CLCN6: variants seen among roughly 807,000 people sequenced by gnomAD.
CLCN6 encodes the protein Cl-/H+ antiporter 6, also known as H(+)/Cl(-) exchange transporter 6.
Under a neutral mutation model 109.8 loss-of-function variants are expected in CLCN6, and 70 were observed. The ratio of observed to expected loss-of-function variants is 0.64; its 90% CI spans 0.53 to 0.78. The LOEUF (loss-of-function observed/expected upper bound fraction) is 0.78, where lower values mean the gene tolerates loss of function less well. Ranked by LOEUF, CLCN6 falls within the 30% of genes least tolerant of loss-of-function variation. The pLI, the probability that CLCN6 is intolerant of heterozygous loss-of-function variation, is 0.00. For synonymous variants in CLCN6, 444 were observed against 447.8 expected (o/e 0.99, Z 0.11); for missense variants, 984 against 1,142.3 (o/e 0.86, Z 2.00).
chr1:11,836,053 C>G lies in CLCN6; in HGVS notation c.1880C>G (p.Thr627Ser). ...RIQSLVSILR[T>S]TVHHAFPVVT... ...CAGTCTCTGGTGAGCATCCTGCGCA[C>G]CACGGTCCACCATGCCTTCCCGGTG... The change falls in exon 18 of 23, where the codon ACC (threonine) becomes AGC (serine). Residue 627 changes from threonine to serine, a missense_variant. Coordinates refer to ENST00000346436, the MANE Select transcript of CLCN6 (RefSeq NM_001286.5). The G allele has an allele frequency of 6.2e-7, 1 of 1,613,956 alleles. No individual in the cohort carries two copies. The highest frequency in any genetic ancestry group is 1.1e-5 in the South Asian group (1 of 91,042).
chr1:11,815,012 G>A (rs1023135058), intron 2 of CLCN6, among the ~76,000 whole-genome samples: 22 of 144,902 alleles, frequency 1.5e-4, no homozygotes, highest in Non-Finnish European at 2.8e-4. Context: ...CAGCCTGGGC[G>A]ACAGAGCGAG....
rs1359328796 is a variant in CLCN6 at position 11,830,737 on chromosome 1, T to TATAATATATATATATATATATATATA, written c.1248+1415_1248+1416insATAATATATATATATATATATATATA. On this transcript the variant is annotated intron_variant, in intron 13 of 22. Transcript: ENST00000346436. ...CAGTGTCCCCAGTTATATGTATATA[T>TATAATATATATATATATATATATATA]TATATATATATATATATATATATAT... is the stretch of plus-strand genomic sequence containing the variant. 8.8e-5 allele frequency among the ~76,000 whole-genome samples: 8 copies of TATAATATATATATATATATATATATA among 91,120 alleles called. 1 individual carries two copies. Among genetic ancestry groups the TATAATATATATATATATATATATATA allele is most frequent in the African/African-American group, 2.8e-4 (7 of 25,106 alleles). 59.8% of individuals were successfully genotyped at this position (91,120 alleles called of 152,430 possible).
chr1:11,815,997 C>T (rs781523172), intron 3 of CLCN6, 86 bp downstream of exon 3: 1 of 976,348 alleles, frequency 1.0e-6, no homozygotes, highest in Admixed American at 1.8e-5. Context: ...CAGTAAACAT[C>T]TTTACACCTT....
intron 7 of CLCN6, among the ~76,000 whole-genome samples, chr1:11,824,241 G>A (rs61024734): frequency 0.027 from 4,053 of 152,280 alleles, 166 homozygotes; most frequent in African/African-American, 0.091. Flanking sequence ...GTAAAACCAG[G>A]AGGGAGCTGG....
chr1:11,823,114 T>C (rs1254192343), intron 6 of CLCN6, among the ~76,000 whole-genome samples: 1 of 152,172 alleles, frequency 6.6e-6, no homozygotes, highest in Non-Finnish European at 1.5e-5. Flanking sequence ...AACCTCAGCA[T>C]CATGCAATAT....
chr1:11,837,052 G>T lies in CLCN6; in HGVS notation c.2034G>T (p.Met678Ile). ...AGEQRKRSQS[M>I]KSYPSSELRN... The stretch of plus-strand genomic sequence containing the variant: ...AGCAGCGCAAACGGAGCCAGTCCAT[G>T]AAGTCCTACCCATCCAGCGAGCTAC... Residue 678 changes from methionine (M) to isoleucine (I), a missense_variant, in exon 19 of 23, where the codon ATG becomes ATT. Coordinates refer to ENST00000346436, the MANE Select transcript of CLCN6 (RefSeq NM_001286.5). 4 of 1,613,182 alleles carry T rather than the reference G, an allele frequency of 2.5e-6. No homozygotes were observed. Among genetic ancestry groups the T allele is most frequent in the Non-Finnish European group, 3.4e-6 (4 of 1,180,038 alleles).
At chr1:11,838,733 G>A (rs1644982792) in intron 22 of CLCN6, 73 bp downstream of exon 22, 1 of 1,606,908 alleles carries the variant, frequency 6.2e-7, no homozygotes, top group East Asian at 2.2e-5. Flanking sequence ...GTGCACCCAG[G>A]CTTCTCACCA....
chr1:11,810,236 G>T (rs1205706789), intron 2 of CLCN6, among the ~76,000 whole-genome samples: 1 of 152,052 alleles, frequency 6.6e-6, no homozygotes, highest in East Asian at 1.9e-4. Flanking sequence ...GATAAATTTA[G>T]GGTCTTACAA....
At chr1:11,839,474 C>A (rs550419933) in intron 22 of CLCN6, among the ~76,000 whole-genome samples, 2 of 152,334 alleles carry the variant, frequency 1.3e-5, no homozygotes, top group Admixed American at 1.3e-4. Context: ...GTTGCCCAGG[C>A]TGGTCTTGAA....
chr1:11,819,295 G>C (rs921714286), intron 4 of CLCN6, among the ~76,000 whole-genome samples, 193 bp from the exon 5 acceptor site: 3 of 151,828 alleles, frequency 2.0e-5, no homozygotes, highest in Non-Finnish European at 4.4e-5. Context: ...TCTTTGGAGG[G>C]GCAGTGGGAC....
Position 11,834,539 on chromosome 1 carries a change from G to C in CLCN6, c.1742G>C (p.Gly581Ala). ...AAGGGCATTTATGATATCCACGTGG[G>C]CCTGCGAGGCGTGCCGCTTCTGGAA... The part of the protein sequence containing the change: ...FNKGIYDIHV[G>A]LRGVPLLEWE... The change falls in exon 17 of 23, where the codon GGC (glycine) becomes GCC (alanine). Residue 581 changes from glycine to alanine, a missense_variant. Physicochemically the swap from Gly to Ala is moderately conservative, Grantham distance 60. Transcript: ENST00000346436. The surrounding 1 kb of genome is among the most constrained non-coding windows in gnomAD (Gnocchi z 4.5). The C allele has an allele frequency of 6.2e-7, 1 of 1,614,124 alleles. No individual in the cohort carries two copies. The highest frequency in any genetic ancestry group is 8.5e-7 in the Non-Finnish European group (1 of 1,180,014).
At chr1:11,819,847 C>T (rs1162539772) in intron 5 of CLCN6, among the ~76,000 whole-genome samples, 1 of 152,076 alleles carries the variant, frequency 6.6e-6, no homozygotes, top group Non-Finnish European at 1.5e-5. Flanking sequence ...TGTTGTGGAA[C>T]TCAGAAATTC....
intron 13 of CLCN6, among the ~76,000 whole-genome samples, chr1:11,830,621 G>A (rs1644866726): frequency 6.6e-6 from 1 of 151,170 alleles, no homozygotes; most frequent in African/African-American, 2.4e-5. Context: ...GAATACTGAG[G>A]AACAACTGTA....
chr1:11,819,016 G>A (rs1644708202), intron 4 of CLCN6, among the ~76,000 whole-genome samples: 1 of 152,224 alleles, frequency 6.6e-6, no homozygotes, highest in Non-Finnish European at 1.5e-5. Context: ...AAGCAAGCTT[G>A]TCCAACCCAT....
intron 22 of CLCN6, 150 bp downstream of exon 22, chr1:11,838,810 T>C: frequency 8.6e-7 from 1 of 1,158,656 alleles, no homozygotes; most frequent in South Asian, 1.2e-5. Flanking sequence ...CTGCTCGGCT[T>C]CCGTGCACTC....
chr1:11,830,760 T>TACAC (rs1644871252), intron 13 of CLCN6, among the ~76,000 whole-genome samples: 2 of 134,286 alleles, frequency 1.5e-5, no homozygotes, highest in African/African-American at 6.2e-5. Flanking sequence ...TATATATATA[T>TACAC]ATATACACAC....
At position 11,840,228 on chromosome 1, in the gene CLCN6, C is replaced by T. The variant is rs1355348222; in HGVS notation, c.*5C>T. 6.2e-7 allele frequency: 1 copy of T among 1,610,878 alleles called. No individual in the cohort carries two copies. On this transcript the variant is annotated 3_prime_UTR_variant, in exon 23 of 23. Transcript: ENST00000346436. ...CAGCACTACCAGACCATCTGACAGC[C>T]CAGCCCACCCTCTCCTGGTGCTGCC... is the stretch of plus-strand genomic sequence containing the variant.
chr1:11,831,793 C>G (rs1369774246), intron 13 of CLCN6, among the ~76,000 whole-genome samples: 1 of 152,142 alleles, frequency 6.6e-6, no homozygotes, highest in African/African-American at 2.4e-5. Flanking sequence ...AAGCGATCCT[C>G]CCATCTCAGC....
At chr1:11,816,854 T>C (rs939216006) in intron 4 of CLCN6, among the ~76,000 whole-genome samples, 174 bp downstream of exon 4, 1 of 152,146 alleles carries the variant, frequency 6.6e-6, no homozygotes, top group Non-Finnish European at 1.5e-5. Flanking sequence ...CCTTTTTTTT[T>C]TTTAAATGAA....
Sources: allele counts gnomAD v4.1 joint callset (sites outside exome capture counted in the v4.1 genomes callset), GRCh38; gene constraint gnomAD v4.1.1; non-coding constraint Gnocchi (gnomAD v3.1); transcripts MANE v1.5; gene names NCBI Gene and HGNC (gene_info 2026-07-23, HGNC 2026-07-21).